Variants in MAST4 observed in about 807,000 individuals in gnomAD.
MAST4 encodes the protein microtubule associated serine/threonine kinase family member 4.
A neutral mutation model predicts 162.7 loss-of-function variants in MAST4; 89 were observed. The ratio of observed to expected loss-of-function variants is 0.55; its 90% CI spans 0.46 to 0.65. The LOEUF is 0.65. MAST4 is among the 30% of genes least tolerant of loss of function. The pLI, the probability that MAST4 is intolerant of heterozygous loss-of-function variation, is 0.00. For synonymous variants in MAST4, 1,479 were observed against 1,361.1 expected (o/e 1.09, Z -1.91); for missense variants, 3,153 against 3,374.0 (o/e 0.93, Z 1.62).
intron 4 of MAST4, among the ~76,000 whole-genome samples, chr5:66,908,690 G>T (rs191784783): frequency 6.6e-6 from 1 of 152,268 alleles, no homozygotes; most frequent in Admixed American, 6.5e-5. Context: ...TGCTTATTTA[G>T]AGTGACCCAT....
intron 1 of MAST4, among the ~76,000 whole-genome samples, chr5:66,609,121 A>G (rs955991686): frequency 6.6e-6 from 1 of 151,150 alleles, no homozygotes; most frequent in Non-Finnish European, 1.5e-5. Flanking sequence ...CCAAACAGAA[A>G]GACTTGGGTT....
intron 4 of MAST4, among the ~76,000 whole-genome samples, chr5:66,948,047 G>A (rs1327363814): frequency 1.3e-5 from 2 of 152,260 alleles, no homozygotes; most frequent in African/African-American, 2.4e-5. Context: ...CACAAGCCAA[G>A]TGTCACAGGT....
At chr5:67,063,176 T>C (rs1295183) in intron 5 of MAST4, among the ~76,000 whole-genome samples, 147,733 of 151,486 alleles carry the variant, frequency 0.98, 72,158 homozygotes, top group Non-Finnish European at 1. Context: ...TTTTTTTGTC[T>C]TTAGCCTTTG....
At position 67,114,165 on chromosome 5, in the gene MAST4, G is replaced by A. The variant is rs1766599151; in HGVS notation, c.1537G>A (p.Asp513Asn). 7 of 1,612,042 alleles carry A rather than the reference G, an allele frequency of 4.3e-6. No individual in the cohort carries two copies. Among genetic ancestry groups the A allele is most frequent in the South Asian group, 3.3e-5 (3 of 90,702 alleles). Reference protein sequence around the residue: ...HAKEGQGIKTDIPRYIISQLG... With the variant: ...HAKEGQGIKTNIPRYIISQLG... Reference sequence around the variant, plus strand: ...CAAAGAAGGACAGGGTATTAAAACCGACATTCCCAGGTACATCATTAGCCA... The same window carrying A: ...CAAAGAAGGACAGGGTATTAAAACCAACATTCCCAGGTACATCATTAGCCA... Residue 513 changes from aspartate to asparagine, a missense_variant, in exon 12 of 29, where the codon GAC becomes AAC. Physicochemically the swap from Asp to Asn is conservative, Grantham distance 23. Coordinates refer to ENST00000403625, the MANE Select transcript of MAST4 (RefSeq NM_001164664.2).
intron 1 of MAST4, among the ~76,000 whole-genome samples, chr5:66,635,972 T>TTTTTTTTTTTTTTTTC (rs1745090150): frequency 7.8e-6 from 1 of 128,600 alleles, no homozygotes; most frequent in South Asian, 2.6e-4. Context: ...TTTTTTTTTT[T>TTTTTTTTTTTTTTTTC]TTTCGAGACA....
chr5:66,847,820 C>CAAAAAAAAAAAAAAAAAA (rs777825639), intron 3 of MAST4, among the ~76,000 whole-genome samples: 40 of 54,142 alleles, frequency 7.4e-4, no homozygotes, highest in African/African-American at 3.1e-3. Context: ...GACTCCTTCT[C>CAAAAAAAAAAAAAAAAAA]AAAAAAAAAA....
chr5:66,698,102 T>A (rs186810497), intron 1 of MAST4, among the ~76,000 whole-genome samples: 173 of 151,882 alleles, frequency 1.1e-3, no homozygotes, highest in South Asian at 0.011. Context: ...CTGGCTTCCC[T>A]CCTAACCCAC....
chr5:66,675,480 AG>A (rs1221618849), intron 1 of MAST4, among the ~76,000 whole-genome samples: 2 of 152,162 alleles, frequency 1.3e-5, no homozygotes, highest in Non-Finnish European at 2.9e-5. Flanking sequence ...AATTTTAGAA[AG>A]GCCTTTCCTG....
chr5:67,113,220 A>G (rs1159919396), intron 11 of MAST4, among the ~76,000 whole-genome samples: 2 of 145,144 alleles, frequency 1.4e-5, no homozygotes, highest in East Asian at 2.2e-4. Flanking sequence ...GGGCTGAGGC[A>G]GGAGAATGTC....
At chr5:66,857,085 C>T (rs1336269540) in intron 3 of MAST4, among the ~76,000 whole-genome samples, 1 of 152,112 alleles carries the variant, frequency 6.6e-6, no homozygotes, top group Non-Finnish European at 1.5e-5. Flanking sequence ...CCTTCTCTGC[C>T]CTCCCTCCCA....
chr5:66,766,897 T>C (rs2149627714), intron 2 of MAST4, among the ~76,000 whole-genome samples: 1 of 152,216 alleles, frequency 6.6e-6, no homozygotes, highest in East Asian at 1.9e-4. Flanking sequence ...AACACAATAG[T>C]AGTTTATTTC....
rs541604335 is a variant in MAST4 at position 67,068,026 on chromosome 5, G to A, written c.763+13534G>A. Among the ~76,000 whole-genome samples, 12 of 152,270 alleles carry A rather than the reference G, an allele frequency of 7.9e-5. No homozygotes were observed. In the East Asian group the frequency reaches 2.3e-3, roughly 29 times the overall value. On this transcript the variant is annotated intron_variant, in intron 5 of 28. Coordinates refer to ENST00000403625, the MANE Select transcript of MAST4 (RefSeq NM_001164664.2). ...CTGTGACTTGCTGGTATCTGACCCA[G>A]CTCTGGAGCTCTGCTCCCCAGATCT...
At chr5:67,036,540 G>T (rs1264786124) in intron 4 of MAST4, among the ~76,000 whole-genome samples, 1 of 152,090 alleles carries the variant, frequency 6.6e-6, no homozygotes, top group Non-Finnish European at 1.5e-5. Context: ...AAAATCTGAG[G>T]ATGTTCAAAA....
chr5:66,702,370 G>C (rs1185937299), intron 1 of MAST4, among the ~76,000 whole-genome samples: 5 of 152,188 alleles, frequency 3.3e-5, no homozygotes, highest in Admixed American at 3.3e-4. Flanking sequence ...GCTGACATTA[G>C]GGGTAGAGGG....
At chr5:66,948,086 AAAG>A (rs962169766) in intron 4 of MAST4, among the ~76,000 whole-genome samples, 1 of 152,118 alleles carries the variant, frequency 6.6e-6, no homozygotes, top group African/African-American at 2.4e-5. Flanking sequence ...CCCTGCATAT[AAAG>A]AAGGAGTGGG....
At chr5:66,825,751 A>C (rs1407767073) in intron 3 of MAST4, among the ~76,000 whole-genome samples, 1 of 152,190 alleles carries the variant, frequency 6.6e-6, no homozygotes, top group Non-Finnish European at 1.5e-5. Context: ...TGGCGTATCC[A>C]TACAGGTAAT....
intron 4 of MAST4, among the ~76,000 whole-genome samples, chr5:66,948,047 G>C (rs1327363814): frequency 6.6e-6 from 1 of 152,142 alleles, no homozygotes; most frequent in South Asian, 2.1e-4. Context: ...CACAAGCCAA[G>C]TGTCACAGGT....
Position 66,949,021 on chromosome 5 carries a change from T to G in MAST4, c.674+49039T>G, listed in dbSNP as rs1347978912. ...TATATTAGATATACATGCCAAAAGGTAAGCTGGAGTTACTTGTCAAAGAAC... is the reference window on the plus strand; with the variant it reads ...TATATTAGATATACATGCCAAAAGGGAAGCTGGAGTTACTTGTCAAAGAAC... On this transcript the variant is annotated intron_variant, in intron 4 of 28. Coordinates refer to ENST00000403625, the MANE Select transcript of MAST4 (RefSeq NM_001164664.2). Among the ~76,000 whole-genome samples, 3 of 152,064 alleles carry G rather than the reference T, an allele frequency of 2.0e-5. No individual in the cohort carries two copies. The East Asian group carries it at 5.8e-4, about 29-fold the overall frequency.
At chr5:66,631,786 A>G (rs1295855006) in intron 1 of MAST4, among the ~76,000 whole-genome samples, 1 of 152,136 alleles carries the variant, frequency 6.6e-6, no homozygotes. Flanking sequence ...ATTTTATTGT[A>G]CTCATTTAAT....
Sources: allele counts gnomAD v4.1 joint callset (sites outside exome capture counted in the v4.1 genomes callset), GRCh38; gene constraint gnomAD v4.1.1; transcripts MANE v1.5; gene names NCBI Gene and HGNC (gene_info 2026-07-23, HGNC 2026-07-21).